Variants in OSBPL6 observed in about 807,000 individuals in gnomAD.
OSBPL6 encodes the protein oxysterol-binding protein-related protein 6.
OSBPL6 carries 49 observed loss-of-function variants against 125.8 expected under a neutral mutation model. The observed-to-expected ratio is 0.39, with a 90% CI of 0.31 to 0.49. The LOEUF is 0.49. OSBPL6 is among the 20% of genes least tolerant of loss of function. The pLI is 0.88. For missense variants in OSBPL6, 986 were observed against 1,135.4 expected, an observed-to-expected ratio of 0.87 and a Z score of 1.89; for synonymous variants, 394 against 391.8, an observed-to-expected ratio of 1.01 and a Z score of -0.07.
chr2:178,357,347 AG>A lies in OSBPL6; in HGVS notation c.1154-4332del, dbSNP rs536533025. On this transcript the variant is annotated intron_variant, in intron 12 of 24. Coordinates refer to ENST00000190611, the MANE Select transcript of OSBPL6 (RefSeq NM_032523.4). ...TTTTTGCAATCTACCCATCTGACAA[AG>A]GGCTAGTATTCAGAATCTACGAAGA... Among the ~76,000 whole-genome samples, 861 of 152,350 alleles carry A rather than the reference AG, an allele frequency of 5.7e-3. 3 individuals are homozygous for A. The highest frequency in any genetic ancestry group is 8.9e-3 in the Non-Finnish European group (608 of 68,038).
intron 1 of OSBPL6, among the ~76,000 whole-genome samples, chr2:178,212,145 G>A (rs543567931): frequency 1.0e-3 from 156 of 152,254 alleles, no homozygotes; most frequent in Admixed American, 1.6e-3. Flanking sequence ...TAACAAGGCC[G>A]CCTTACAAAT....
chr2:178,286,768 A>C (rs1042576602), intron 2 of OSBPL6, among the ~76,000 whole-genome samples: 18 of 152,080 alleles, frequency 1.2e-4, no homozygotes, highest in Admixed American at 1.2e-3. Context: ...TTTAGAGTCC[A>C]TTTTCTAGGC....
intron 1 of OSBPL6, among the ~76,000 whole-genome samples, chr2:178,228,030 A>G (rs1448498590): frequency 6.6e-6 from 1 of 152,224 alleles, no homozygotes; most frequent in Non-Finnish European, 1.5e-5. Flanking sequence ...GAATAAAAGA[A>G]GAAAAAAAAG....
At chr2:178,241,300 G>C (rs975370425) in intron 1 of OSBPL6, among the ~76,000 whole-genome samples, 6 of 151,888 alleles carry the variant, frequency 4.0e-5, no homozygotes, top group African/African-American at 1.5e-4. Flanking sequence ...TTTTAGTAGA[G>C]ATGGGGTTTC....
chr2:178,296,050 T>G (rs1685720582), intron 2 of OSBPL6, among the ~76,000 whole-genome samples: 1 of 152,210 alleles, frequency 6.6e-6, no homozygotes, highest in Non-Finnish European at 1.5e-5. Flanking sequence ...ACTGTGTTAC[T>G]ATTCCCTAGT....
intron 1 of OSBPL6, among the ~76,000 whole-genome samples, chr2:178,246,298 C>T (rs565122602): frequency 3.2e-4 from 49 of 152,346 alleles, no homozygotes; most frequent in African/African-American, 9.6e-4. Context: ...CCTCACTCTA[C>T]GTGGTCTCCA....
intron 1 of OSBPL6, among the ~76,000 whole-genome samples, chr2:178,220,228 G>A (rs2090277790): frequency 6.6e-6 from 1 of 152,124 alleles, no homozygotes; most frequent in African/African-American, 2.4e-5. Context: ...GGATTAATGG[G>A]AAGTATATCC....
intron 11 of OSBPL6, chr2:178,344,169 A>C: frequency 1.2e-6 from 1 of 827,760 alleles, no homozygotes; most frequent in Non-Finnish European, 2.0e-6. Flanking sequence ...ATTTAAGAAA[A>C]GTCGACTTCA....
At chr2:178,226,955 C>T (rs567872687) in intron 1 of OSBPL6, among the ~76,000 whole-genome samples, 3 of 152,180 alleles carry the variant, frequency 2.0e-5, no homozygotes, top group Admixed American at 6.5e-5. Flanking sequence ...AGATTTGCTT[C>T]AATACAATTT....
intron 3 of OSBPL6, among the ~76,000 whole-genome samples, chr2:178,308,503 A>G (rs1686981219): frequency 6.6e-6 from 1 of 152,220 alleles, no homozygotes; most frequent in African/African-American, 2.4e-5. Context: ...ATTAGGATCT[A>G]GCACATAGCT....
intron 23 of OSBPL6, among the ~76,000 whole-genome samples, chr2:178,393,378 T>C (rs558646894): frequency 2.0e-5 from 3 of 152,354 alleles, no homozygotes; most frequent in African/African-American, 7.2e-5. Context: ...TTTATTCTTA[T>C]GTAGCTCTGA....
At chr2:178,311,392 A>C (rs1386757027) in intron 3 of OSBPL6, among the ~76,000 whole-genome samples, 1 of 151,592 alleles carries the variant, frequency 6.6e-6, no homozygotes, top group Non-Finnish European at 1.5e-5. Context: ...AGCTGGTTTG[A>C]TTTTTCTTTA....
At chr2:178,373,531 C>T (rs7581278) in intron 14 of OSBPL6, among the ~76,000 whole-genome samples, 85,180 of 151,994 alleles carry the variant, frequency 0.56, 24,276 homozygotes, top group East Asian at 0.88. Context: ...GTAGTTTCTA[C>T]GAATATTTCT....
At chr2:178,306,878 T>C (rs145902336) in intron 3 of OSBPL6, among the ~76,000 whole-genome samples, 1,692 of 152,352 alleles carry the variant, frequency 0.011, 16 homozygotes, top group South Asian at 0.018. Flanking sequence ...ATTTTTGTTA[T>C]GTCATTACTG....
intron 1 of OSBPL6, among the ~76,000 whole-genome samples, chr2:178,240,739 C>G (rs2091257049): frequency 6.6e-6 from 1 of 152,132 alleles, no homozygotes; most frequent in Admixed American, 6.5e-5. Context: ...GGCGACAGAA[C>G]AAGACTCCTT....
intron 1 of OSBPL6, among the ~76,000 whole-genome samples, chr2:178,261,463 G>C (rs972054328): frequency 6.6e-6 from 1 of 151,270 alleles, no homozygotes; most frequent in African/African-American, 2.4e-5. Flanking sequence ...AGAAAAGCAT[G>C]GGGTAACTGA....
At chr2:178,377,408 C>T (rs1238937624) in intron 15 of OSBPL6, among the ~76,000 whole-genome samples, 1 of 152,220 alleles carries the variant, frequency 6.6e-6, no homozygotes, top group Non-Finnish European at 1.5e-5. Context: ...TTCCCATGAT[C>T]CAATCACCTC....
At chr2:178,325,134 C>T (rs1688583308) in intron 4 of OSBPL6, among the ~76,000 whole-genome samples, 2 of 152,116 alleles carry the variant, frequency 1.3e-5, no homozygotes, top group African/African-American at 4.8e-5. Context: ...GGAAAGATAC[C>T]ATCCTACTCC....
chr2:178,315,560 C>T (rs1320961261), intron 3 of OSBPL6, among the ~76,000 whole-genome samples: 1 of 152,178 alleles, frequency 6.6e-6, no homozygotes, highest in Non-Finnish European at 1.5e-5. Context: ...ACTGCTTTCC[C>T]TGGTGTGCCT....
Sources: gnomAD v4.1 joint callset for allele counts (sites outside exome capture counted in the v4.1 genomes callset) on GRCh38, gnomAD v4.1.1 for gene constraint, MANE v1.5 for transcripts, NCBI Gene and HGNC (gene_info 2026-07-23, HGNC 2026-07-21) for gene names.